The following TMEFF2 variants were observed in gnomAD, a reference collection of about 807,000 sequenced individuals.
TMEFF2 encodes the protein transmembrane protein with EGF like and two follistatin like domains 2.
TMEFF2 carries 28 observed loss-of-function variants against 53.8 expected under a neutral mutation model. The observed-to-expected ratio is 0.52, with a 90% CI of 0.39 to 0.71. The LOEUF (loss-of-function observed/expected upper bound fraction) is 0.71. TMEFF2 is among the 30% of genes least tolerant of loss of function. The pLI is 0.00. For missense variants in TMEFF2, 353 were observed against 455.2 expected (o/e 0.78, Z 2.04); for synonymous variants, 162 against 166.3 (o/e 0.97, Z 0.20).
chr2:192,051,189 A>C (rs532891209), intron 5 of TMEFF2, among the ~76,000 whole-genome samples: 1 of 150,980 alleles, frequency 6.6e-6, no homozygotes, highest in Non-Finnish European at 1.5e-5. Flanking sequence ...TTCAAAAAAA[A>C]CCTTGGATTT....
Position 191,979,330 on chromosome 2 carries a change from G to C in TMEFF2, c.745+18932C>G, listed in dbSNP as rs549762028. 9.2e-5 allele frequency among the ~76,000 whole-genome samples: 14 copies of C among 152,252 alleles called. No homozygotes were observed. In the South Asian group the frequency reaches 2.7e-3, roughly 29 times the overall value. Reference sequence around the variant, plus strand: ...GGAAGTTCTCAGTTTTTTGATCTGTGAATCCCTTTTCTTCCAGCTGATTCA... The same window carrying C: ...GGAAGTTCTCAGTTTTTTGATCTGTCAATCCCTTTTCTTCCAGCTGATTCA... On this transcript the variant is annotated intron_variant, in intron 7 of 9. Transcript: ENST00000272771.
chr2:192,131,281 T>G (rs1240351994), intron 4 of TMEFF2, among the ~76,000 whole-genome samples: 1 of 147,172 alleles, frequency 6.8e-6, no homozygotes, highest in African/African-American at 2.5e-5. Flanking sequence ...CTACCCCTTC[T>G]CTGCTTTTCT....
intron 4 of TMEFF2, among the ~76,000 whole-genome samples, chr2:192,115,234 A>G (rs1379745170): frequency 2.0e-5 from 3 of 152,080 alleles, no homozygotes; most frequent in African/African-American, 4.8e-5. Flanking sequence ...GCATAAAAAG[A>G]GACATATAGA....
intron 5 of TMEFF2, among the ~76,000 whole-genome samples, chr2:192,006,131 C>T (rs1686496721): frequency 6.6e-6 from 1 of 150,618 alleles, no homozygotes; most frequent in South Asian, 2.1e-4. Flanking sequence ...TGAATAATGC[C>T]CTTCTCCAGA....
In TMEFF2 at chr2:192,109,922, T is replaced by C. The variant is rs545569382; in HGVS notation, c.440-52147A>G. Among the ~76,000 whole-genome samples the C allele has an allele frequency of 2.0e-5, 3 of 152,224 alleles. No individual in the cohort carries two copies. The South Asian group carries it at 6.2e-4, about 32-fold the overall frequency. Reference sequence around the variant, plus strand: ...TCTGGATGAGAGACCTAAGTGAAGATTCCATTGGCATATAGATCATAAAGT... The same window carrying C: ...TCTGGATGAGAGACCTAAGTGAAGACTCCATTGGCATATAGATCATAAAGT... On this transcript the variant is annotated intron_variant, in intron 4 of 9. Coordinates refer to ENST00000272771, the MANE Select transcript of TMEFF2 (RefSeq NM_016192.4).
chr2:192,028,484 G>C (rs77277543), intron 5 of TMEFF2: 1 of 10,196 alleles, frequency 9.8e-5, no homozygotes, highest in South Asian at 3.8e-3. Flanking sequence ...TGTTTTGTGT[G>C]TGTGTGTGTG....
At chr2:192,083,877 G>T (rs1393408141) in intron 4 of TMEFF2, among the ~76,000 whole-genome samples, 4 of 151,914 alleles carry the variant, frequency 2.6e-5, no homozygotes, top group African/African-American at 9.7e-5. Context: ...AGATGGTGTT[G>T]CAGGTAAAAG....
At position 191,997,290 on chromosome 2, in the gene TMEFF2, G is replaced by T. The variant is rs1686246551; in HGVS notation, c.745+972C>A. On this transcript the variant is annotated intron_variant, in intron 7 of 9. Coordinates refer to ENST00000272771, the MANE Select transcript of TMEFF2 (RefSeq NM_016192.4). ...TGTGGAAAATGTTTAAAATATAAATGTTTAAAATATCTTTTTTATTTCCAA... is the reference window on the plus strand; with the variant it reads ...TGTGGAAAATGTTTAAAATATAAATTTTTAAAATATCTTTTTTATTTCCAA... Among the ~76,000 whole-genome samples the T allele has an allele frequency of 2.6e-5, 4 of 151,900 alleles. No individual in the cohort carries two copies. In the South Asian group the frequency reaches 8.3e-4, roughly 32 times the overall value.
chr2:192,048,349 AG>A (rs1687674964), intron 5 of TMEFF2, among the ~76,000 whole-genome samples: 2 of 130,264 alleles, frequency 1.5e-5, no homozygotes, highest in South Asian at 5.0e-4. Context: ...AAATATTATT[AG>A]ATTCTCATAA....
At chr2:191,956,069 TTTTG>T (rs1692074881) in intron 8 of TMEFF2, among the ~76,000 whole-genome samples, 182 bp downstream of exon 8, 1 of 151,346 alleles carries the variant, frequency 6.6e-6, no homozygotes. Context: ...GTGCACATAT[TTTTG>T]TTTTTTTTTA....
At chr2:192,179,913 C>A (rs193040761) in intron 3 of TMEFF2, among the ~76,000 whole-genome samples, 1 of 151,376 alleles carries the variant, frequency 6.6e-6, no homozygotes, top group African/African-American at 2.4e-5. Context: ...CAGAGCTTTA[C>A]GAAAACATTA....
Position 192,163,888 on chromosome 2 carries a change from T to G in TMEFF2, c.439+15780A>C, listed in dbSNP as rs761984631. On this transcript the variant is annotated intron_variant, in intron 4 of 9. Transcript: ENST00000272771. ...TTTGCGTTGGCATGTAACATTTTTGTTCACACCAATAACAATATAGAAAGG... is the reference window on the plus strand; with the variant it reads ...TTTGCGTTGGCATGTAACATTTTTGGTCACACCAATAACAATATAGAAAGG... Among the ~76,000 whole-genome samples, 22 of 152,180 alleles carry G rather than the reference T, an allele frequency of 1.4e-4. 1 individual carries two copies. Among genetic ancestry groups the G allele is most frequent in the Non-Finnish European group, 3.2e-4 (22 of 68,022 alleles).
chr2:192,136,977 A>AG (rs1457824342), intron 4 of TMEFF2, among the ~76,000 whole-genome samples: 1 of 152,200 alleles, frequency 6.6e-6, no homozygotes, highest in African/African-American at 2.4e-5. Flanking sequence ...AAATTTTAGG[A>AG]GGGGGAAAAG....
At chr2:192,080,308 A>C (rs1195616606) in intron 4 of TMEFF2, among the ~76,000 whole-genome samples, 1 of 152,146 alleles carries the variant, frequency 6.6e-6, no homozygotes, top group Non-Finnish European at 1.5e-5. Flanking sequence ...GGTTTCCCCC[A>C]TGCTATTCTC....
intron 5 of TMEFF2, among the ~76,000 whole-genome samples, chr2:192,012,592 A>C (rs1237428682): frequency 1.3e-5 from 2 of 152,216 alleles, no homozygotes; most frequent in Non-Finnish European, 2.9e-5. Context: ...CCTTGATAAA[A>C]TGCTAGCCCC....
In TMEFF2 at chr2:191,950,200, C is replaced by G; in HGVS notation, c.*111G>C. The G allele has an allele frequency of 6.5e-7, 1 of 1,534,314 alleles. No individual in the cohort carries two copies. Among genetic ancestry groups the G allele is most frequent in the South Asian group, 1.3e-5 (1 of 75,250 alleles). ...TACATGTTTTCATTGGTGTAGATTACCACAAATGCAAGGCAACATGTGTAG... is the reference window on the plus strand; with the variant it reads ...TACATGTTTTCATTGGTGTAGATTAGCACAAATGCAAGGCAACATGTGTAG... On this transcript the variant is annotated 3_prime_UTR_variant, in exon 10 of 10. Transcript: ENST00000272771.
chr2:192,064,104 GTT>G (rs1688112558), intron 4 of TMEFF2, among the ~76,000 whole-genome samples: 1 of 151,584 alleles, frequency 6.6e-6, no homozygotes, highest in African/African-American at 2.4e-5. Flanking sequence ...TTGTTTCTCT[GTT>G]TCCAATTCTT....
chr2:191,995,417 G>T (rs146059153), intron 7 of TMEFF2, among the ~76,000 whole-genome samples: 3 of 152,002 alleles, frequency 2.0e-5, no homozygotes, highest in Non-Finnish European at 4.4e-5. Flanking sequence ...GGGAGAGTCC[G>T]TGAATGTGTG....
intron 4 of TMEFF2, among the ~76,000 whole-genome samples, chr2:192,163,526 C>A (rs930636158): frequency 2.0e-5 from 3 of 152,102 alleles, no homozygotes; most frequent in Non-Finnish European, 4.4e-5. Flanking sequence ...TTTTTTACTG[C>A]CATACCAGTG....
Sources: gnomAD v4.1 joint callset for allele counts (sites outside exome capture counted in the v4.1 genomes callset) on GRCh38, gnomAD v4.1.1 for gene constraint, MANE v1.5 for transcripts, NCBI Gene and HGNC (gene_info 2026-07-23, HGNC 2026-07-21) for gene names.